The following DSCAM variants were observed in gnomAD, a reference collection of about 807,000 sequenced individuals.
DSCAM encodes the protein DS cell adhesion molecule.
A neutral mutation model predicts 217.7 loss-of-function variants in DSCAM; 47 were observed. The ratio of observed to expected loss-of-function variants is 0.22; its 90% CI spans 0.17 to 0.28. The LOEUF is 0.28. Among genes scored for constraint, DSCAM ranks in the 10% least tolerant of loss-of-function variants. The pLI is 1.00. For synonymous variants in DSCAM, 1,056 were observed against 1,015.3 expected (o/e 1.04, Z -0.76); for missense variants, 2,080 against 2,618.3 (o/e 0.79, Z 4.49).
At chr21:40,605,911 C>T in intron 3 of DSCAM, among the ~76,000 whole-genome samples, 1 of 142,128 alleles carries the variant, frequency 7.0e-6, no homozygotes, top group Non-Finnish European at 1.5e-5. Context: ...AGCTATTCTT[C>T]TGCCTCAGCC....
chr21:40,448,667 C>A (rs974438606), intron 3 of DSCAM, among the ~76,000 whole-genome samples: 3 of 152,026 alleles, frequency 2.0e-5, no homozygotes, highest in South Asian at 2.1e-4. Flanking sequence ...TTTATCTAAT[C>A]TTCTACTGGC....
At chr21:40,432,415 C>A (rs556304156) in intron 3 of DSCAM, among the ~76,000 whole-genome samples, 1 of 152,032 alleles carries the variant, frequency 6.6e-6, no homozygotes, top group Non-Finnish European at 1.5e-5. Flanking sequence ...CACCACCTCC[C>A]ACTTCGGCCC....
intron 20 of DSCAM, among the ~76,000 whole-genome samples, chr21:40,105,420 T>C (rs1178017956): frequency 6.6e-6 from 1 of 152,224 alleles, no homozygotes; most frequent in Non-Finnish European, 1.5e-5. Context: ...GGGAGGTAAC[T>C]GAATCATGGG....
In DSCAM at chr21:40,444,392, C is replaced by G. The variant is rs188453293; in HGVS notation, c.509-75147G>C. 3.4e-3 allele frequency among the ~76,000 whole-genome samples: 522 copies of G among 152,262 alleles called. 3 individuals are homozygous for G. The highest frequency in any genetic ancestry group is 0.012 in the African/African-American group (492 of 41,546). ...CTGTGATCTGCCTGAGAAGAGAAAA[C>G]CCCACATACTTACTAGCATAAGGGA... On this transcript the variant is annotated intron_variant, in intron 3 of 32. Transcript: ENST00000400454.
intron 3 of DSCAM, among the ~76,000 whole-genome samples, chr21:40,629,081 GTGTGTGTGT>G (rs2089649159): frequency 3.7e-4 from 1 of 2,720 alleles, no homozygotes; most frequent in Non-Finnish European, 1.1e-3. Context: ...TGTGTGGTGT[GTGTGTGTGT>G]GTGTGTGTGT....
intron 8 of DSCAM, among the ~76,000 whole-genome samples, chr21:40,313,942 G>A (rs2074168459): frequency 6.6e-6 from 1 of 152,150 alleles, no homozygotes; most frequent in Non-Finnish European, 1.5e-5. Context: ...ACAATTGTAA[G>A]TCCATTTCAA....
chr21:40,434,937 G>C (rs2145903329), intron 3 of DSCAM, among the ~76,000 whole-genome samples: 1 of 152,244 alleles, frequency 6.6e-6, no homozygotes, highest in Admixed American at 6.5e-5. Flanking sequence ...GGGACAAGTA[G>C]GAAACGAAGA....
At chr21:40,249,887 G>T (rs953702684) in intron 11 of DSCAM, among the ~76,000 whole-genome samples, 5 of 152,158 alleles carry the variant, frequency 3.3e-5, no homozygotes, top group African/African-American at 1.2e-4. Flanking sequence ...TAAGGAAGAG[G>T]CCTCAAGGTA....
At position 40,239,364 on chromosome 21, in the gene DSCAM, T is replaced by C. The variant is rs8131763; in HGVS notation, c.2356+36733A>G. On this transcript the variant is annotated intron_variant, in intron 11 of 32. Coordinates refer to ENST00000400454, the MANE Select transcript of DSCAM (RefSeq NM_001389.5). ...AACAACATTGCTTTAGATCACAAGA[T>C]AGAGAAGTAGGCCTGTTTTGTATAT... is the stretch of plus-strand genomic sequence containing the variant. Among the ~76,000 whole-genome samples the C allele has an allele frequency of 3.1e-3, 465 of 152,284 alleles. 1 individual carries two copies. The highest frequency in any genetic ancestry group is 0.01 in the African/African-American group (430 of 41,556).
At chr21:40,407,768 G>A (rs1367332090) in intron 3 of DSCAM, among the ~76,000 whole-genome samples, 1 of 152,212 alleles carries the variant, frequency 6.6e-6, no homozygotes, top group Non-Finnish European at 1.5e-5. Flanking sequence ...GACAGCATGT[G>A]AAGCAGGGAC....
chr21:40,522,545 G>C (rs2076367218), intron 3 of DSCAM, among the ~76,000 whole-genome samples: 1 of 152,070 alleles, frequency 6.6e-6, no homozygotes, highest in African/African-American at 2.4e-5. Flanking sequence ...TTGGGCCTTG[G>C]CTCCTCAGTT....
chr21:40,017,228 A>T (rs888736248), intron 32 of DSCAM, among the ~76,000 whole-genome samples: 2 of 152,238 alleles, frequency 1.3e-5, no homozygotes, highest in South Asian at 2.1e-4. Context: ...CGTCTTGAAA[A>T]TTTTTTTCCG....
intron 3 of DSCAM, among the ~76,000 whole-genome samples, chr21:40,654,143 T>C (rs1324987352): frequency 6.6e-6 from 1 of 151,920 alleles, no homozygotes; most frequent in Non-Finnish European, 1.5e-5. Context: ...ACCCATTACA[T>C]ACATGAAAAA....
intron 1 of DSCAM, among the ~76,000 whole-genome samples, chr21:40,787,273 T>C (rs905807886): frequency 2.0e-5 from 3 of 152,200 alleles, no homozygotes; most frequent in African/African-American, 7.2e-5. Context: ...TTCCCAGACC[T>C]GAGATATCAA....
At chr21:40,385,630 C>A (rs1016196487) in intron 3 of DSCAM, among the ~76,000 whole-genome samples, 7 of 152,152 alleles carry the variant, frequency 4.6e-5, no homozygotes, top group African/African-American at 1.4e-4. Context: ...TATGTGACTT[C>A]TTAAGGGCTT....
intron 3 of DSCAM, among the ~76,000 whole-genome samples, chr21:40,455,842 G>T (rs1477634707): frequency 1.3e-5 from 2 of 152,030 alleles, no homozygotes; most frequent in Admixed American, 1.3e-4. Context: ...ATAGATGATA[G>T]ATAGATGATA....
chr21:40,202,183 T>G (rs2091077045), intron 11 of DSCAM, among the ~76,000 whole-genome samples: 1 of 152,138 alleles, frequency 6.6e-6, no homozygotes, highest in African/African-American at 2.4e-5. Flanking sequence ...GTGTGGGAGC[T>G]GGGGGGTGGA....
chr21:40,319,894 T>C (rs922025933), intron 8 of DSCAM, among the ~76,000 whole-genome samples: 1 of 152,204 alleles, frequency 6.6e-6, no homozygotes, highest in African/African-American at 2.4e-5. Context: ...ATCATGTCCT[T>C]TGCAGGGACA....
chr21:40,473,922 A>G (rs945417428), intron 3 of DSCAM, among the ~76,000 whole-genome samples: 2 of 152,172 alleles, frequency 1.3e-5, no homozygotes, highest in Non-Finnish European at 2.9e-5. Flanking sequence ...TGAGAAAACA[A>G]ATGACTGCTG....
Sources: allele counts gnomAD v4.1 joint callset (sites outside exome capture counted in the v4.1 genomes callset), GRCh38; gene constraint gnomAD v4.1.1; transcripts MANE v1.5; gene names NCBI Gene and HGNC (gene_info 2026-07-23, HGNC 2026-07-21).